The following GAK variants were observed in gnomAD, a reference collection of about 807,000 sequenced individuals.
GAK encodes cyclin-G-associated kinase.
In GAK, 79 loss-of-function variants were observed where a neutral mutation model predicts 143.9. The observed-to-expected ratio is 0.55, with a 90% CI of 0.46 to 0.66. GAK has a LOEUF of 0.66. Among genes scored for constraint, GAK ranks in the 30% least tolerant of loss-of-function variants. GAK has a pLI of 0.00. For missense variants in GAK, 1,693 were observed against 1,779.7 expected, an observed-to-expected ratio of 0.95 and a Z score of 0.88; for synonymous variants, 881 against 765.5, an observed-to-expected ratio of 1.15 and a Z score of -2.49.
chr4:875,068 C>A (rs1713560765), intron 18 of GAK, among the ~76,000 whole-genome samples: 2 of 152,194 alleles, frequency 1.3e-5, no homozygotes, highest in African/African-American at 4.8e-5. Flanking sequence ...CCATCATTCC[C>A]CCGACTTTCT....
intron 6 of GAK, among the ~76,000 whole-genome samples, 184 bp from the exon 7 acceptor site, chr4:896,733 G>A (rs1245566249): frequency 6.6e-6 from 1 of 152,250 alleles, no homozygotes; most frequent in African/African-American, 2.4e-5. Context: ...GCTCATCTTC[G>A]GCCTCAGCGC....
At chr4:852,304 C>T (rs1421642439) in intron 24 of GAK, 2 of 385,588 alleles carry the variant, frequency 5.2e-6, no homozygotes, top group Non-Finnish European at 9.4e-6. Context: ...CCCACGTCAC[C>T]CCCAGGAGCC....
chr4:887,496 G>T (rs368812793), intron 11 of GAK: 2 of 143,620 alleles, frequency 1.4e-5, no homozygotes, highest in Non-Finnish European at 3.0e-5. Flanking sequence ...GTGTGCATGC[G>T]TACACATGCA....
chr4:862,632 T>C (rs1186816170), intron 23 of GAK, among the ~76,000 whole-genome samples: 1 of 148,658 alleles, frequency 6.7e-6, no homozygotes, highest in Non-Finnish European at 1.5e-5. Flanking sequence ...CACTCCAGCC[T>C]GGGCGACAAA....
At chr4:922,937 GCA>G (rs1724135646) in intron 1 of GAK, among the ~76,000 whole-genome samples, 1 of 152,184 alleles carries the variant, frequency 6.6e-6, no homozygotes, top group South Asian at 2.1e-4. Flanking sequence ...GGCAAGCCGT[GCA>G]CACTCACGCA....
chr4:856,624 C>G (rs891126668), intron 24 of GAK, among the ~76,000 whole-genome samples: 3 of 148,572 alleles, frequency 2.0e-5, no homozygotes, highest in South Asian at 2.2e-4. Context: ...GGTGCTCACA[C>G]CTGCTCACCA....
At chr4:931,970 G>A in intron 1 of GAK, 73 bp downstream of exon 1, 1 of 1,134,238 alleles carries the variant, frequency 8.8e-7, no homozygotes, top group Non-Finnish European at 1.3e-6. Context: ...TTCCACTCCG[G>A]GCTGACGCTG....
intron 23 of GAK, among the ~76,000 whole-genome samples, chr4:864,597 C>T (rs887178220): frequency 1.1e-4 from 16 of 152,280 alleles, no homozygotes; most frequent in South Asian, 2.1e-4. Context: ...CTCACAGACA[C>T]GACTGCTGTA....
intron 1 of GAK, among the ~76,000 whole-genome samples, chr4:930,693 T>C (rs1332393463): frequency 6.6e-6 from 1 of 152,068 alleles, no homozygotes; most frequent in East Asian, 1.9e-4. Context: ...TGATTTGATC[T>C]GAGAGAAATC....
intron 24 of GAK, chr4:853,241 C>G (rs1359370451): frequency 1.3e-5 from 2 of 152,438 alleles, no homozygotes; most frequent in African/African-American, 4.8e-5. Flanking sequence ...AGGGCCATCT[C>G]GTGGTGTGCA....
intron 1 of GAK, among the ~76,000 whole-genome samples, chr4:917,218 A>G (rs1723209028): frequency 6.6e-6 from 1 of 152,244 alleles, no homozygotes; most frequent in African/African-American, 2.4e-5. Context: ...CTATGGTAAC[A>G]GAAGGCCAAT....
intron 24 of GAK, among the ~76,000 whole-genome samples, chr4:858,404 G>A (rs1250108468): frequency 1.3e-5 from 2 of 151,914 alleles, no homozygotes; most frequent in Non-Finnish European, 2.9e-5. Flanking sequence ...GGACACAAAC[G>A]GCGGGGATCC....
intron 13 of GAK, 32 bp downstream of exon 13, chr4:883,283 G>A (rs1206759041): frequency 1.9e-6 from 3 of 1,609,248 alleles, no homozygotes; most frequent in East Asian, 2.2e-5. Flanking sequence ...AAGCTCCAGA[G>A]TGGCACCAAG....
At chr4:866,875 A>C in intron 21 of GAK, 81 bp downstream of exon 21, 1 of 1,104,342 alleles carries the variant, frequency 9.1e-7, no homozygotes, top group Non-Finnish European at 1.3e-6. Flanking sequence ...CACCTTCGAA[A>C]CACGCCCATG....
At chr4:920,301 C>T (rs1723702887) in intron 1 of GAK, among the ~76,000 whole-genome samples, 1 of 149,796 alleles carries the variant, frequency 6.7e-6, no homozygotes, top group South Asian at 2.1e-4. Context: ...GAGCAAAAGT[C>T]CATCTCAAAA....
rs1422831316 is a variant in GAK, at chr4:865,188, G to C, written c.3100C>G (p.Leu1034Val). The C allele has an allele frequency of 1.2e-6, 2 of 1,613,326 alleles. No individual in the cohort carries two copies. Among genetic ancestry groups the C allele is most frequent in the Middle Eastern group, 1.7e-4 (1 of 5,994 alleles). The stretch of plus-strand genomic sequence containing the variant: ...TCGGTCCAGGCAGCCCATCCTCCCA[G>C]CAGGTCTGGGTTGCTGGACGAGGCT... ...MTASSSNPDL[L>V]GGWAAWTETA... Residue 1034 changes from leucine (L) to valine (V), a missense_variant, in exon 23 of 28, where the codon CTG (leucine) becomes GTG (valine). Physicochemically the swap from Leu to Val is conservative, Grantham distance 32 (BLOSUM62 1). This residue lies in a region of GAK where 822 missense variants were observed against 788.7 expected (regional missense o/e 1.04). Coordinates refer to ENST00000314167, the MANE Select transcript of GAK (RefSeq NM_005255.4).
chr4:884,160 G>C, intron 11 of GAK, 74 bp from the exon 12 acceptor site: 1 of 1,364,920 alleles, frequency 7.3e-7, no homozygotes, highest in Non-Finnish European at 1.0e-6. Context: ...TTAAGCCAGA[G>C]CCCGAGGCCT....
chr4:905,904 T>C (rs146491830), intron 4 of GAK, among the ~76,000 whole-genome samples: 1 of 152,362 alleles, frequency 6.6e-6, no homozygotes, highest in East Asian at 1.9e-4. Context: ...GCCCCGTGTG[T>C]GGGACCACCA....
In GAK at chr4:851,764, C is replaced by T. The variant is rs774036539; in HGVS notation, c.3494G>A (p.Arg1165His). 11 of 1,613,112 alleles carry T rather than the reference C, an allele frequency of 6.8e-6. No individual in the cohort carries two copies. Among genetic ancestry groups the T allele is most frequent in the Admixed American group, 5.0e-5 (3 of 59,932 alleles). Reference sequence around the variant, plus strand: ...GGGGGACTCACCAAAGCTGGGTGCGCGGACCCCCCGCTCCTCCCGCGCCCC... The same window carrying T: ...GGGGGACTCACCAAAGCTGGGTGCGTGGACCCCCCGCTCCTCCCGCGCCCC... ...VIGAREERGV[R>H]APSFAQKPKV... Residue 1165 changes from arginine to histidine, a missense_variant, in exon 25 of 28, where the codon CGC becomes CAC. Coordinates refer to ENST00000314167, the MANE Select transcript of GAK (RefSeq NM_005255.4).
Sources: allele counts gnomAD v4.1 joint callset (sites outside exome capture counted in the v4.1 genomes callset), GRCh38; gene constraint gnomAD v4.1.1; regional missense constraint gnomAD v4.1.1; transcripts MANE v1.5; gene names NCBI Gene and HGNC (gene_info 2026-07-23, HGNC 2026-07-21).